KTN1: variants seen among roughly 807,000 people sequenced by gnomAD.
KTN1 encodes kinectin 1, also known as kinectin.
In KTN1, 130 loss-of-function variants were observed where a neutral mutation model predicts 222.5. The ratio of observed to expected loss-of-function variants is 0.58; its 90% confidence interval spans 0.51 to 0.68. The LOEUF (loss-of-function observed/expected upper bound fraction) is 0.68, where lower values mean the gene tolerates loss of function less well. KTN1 is among the 30% of genes least tolerant of loss of function. KTN1 has a pLI of 0.00. For missense variants in KTN1, 1,508 were observed against 1,500.4 expected (o/e 1.01, Z -0.08); for synonymous variants, 512 against 496.3 (o/e 1.03, Z -0.42).
At chr14:55,624,537 A>G (rs575282018) in intron 5 of KTN1, among the ~76,000 whole-genome samples, 1 of 152,328 alleles carries the variant, frequency 6.6e-6, no homozygotes, top group South Asian at 2.1e-4. Flanking sequence ...TCATTTTACA[A>G]TTAACATATT....
At chr14:55,619,390 A>G (rs1209964280) in intron 5 of KTN1, 78 bp downstream of exon 5, 2 of 1,325,252 alleles carry the variant, frequency 1.5e-6, no homozygotes, top group African/African-American at 1.5e-5. Context: ...AGCCAGAGCA[A>G]TTAATATCTA....
chr14:55,676,364 T>G (rs538552291), intron 41 of KTN1, among the ~76,000 whole-genome samples: 21 of 152,262 alleles, frequency 1.4e-4, no homozygotes, highest in African/African-American at 5.1e-4. Flanking sequence ...TCAATGCAAA[T>G]GAATGATTTT....
intron 18 of KTN1, among the ~76,000 whole-genome samples, chr14:55,642,456 A>G (rs12434799): frequency 0.28 from 42,409 of 152,108 alleles, 5,926 homozygotes; most frequent in East Asian, 0.38. Flanking sequence ...TTCTCTGCCT[A>G]TTCCTCAGTG....
intron 1 of KTN1, among the ~76,000 whole-genome samples, chr14:55,580,582 T>G (rs1030366129): frequency 1.6e-4 from 24 of 151,328 alleles, no homozygotes; most frequent in African/African-American, 5.6e-4. Flanking sequence ...AGGGACCTCC[T>G]CGGCCTCGCG....
At chr14:55,631,341 G>GAGATAGATAGATATATAT (rs71448461) in intron 7 of KTN1, among the ~76,000 whole-genome samples, 4 of 114,718 alleles carry the variant, frequency 3.5e-5, no homozygotes, top group Non-Finnish European at 6.9e-5. Context: ...TGATAAGGTT[G>GAGATAGATAGATATATAT]ATATATATAT....
intron 7 of KTN1, among the ~76,000 whole-genome samples, chr14:55,630,667 A>G (rs2040407504): frequency 6.6e-6 from 1 of 152,196 alleles, no homozygotes; most frequent in East Asian, 1.9e-4. Flanking sequence ...TGAGAAGTAG[A>G]TAGAGGCCCC....
chr14:55,669,374 T>G (rs1323877769), intron 34 of KTN1, among the ~76,000 whole-genome samples: 1 of 152,114 alleles, frequency 6.6e-6, no homozygotes, highest in Non-Finnish European at 1.5e-5. Flanking sequence ...GCATATAGTC[T>G]ACAAGAAATG....
rs200929648 is a variant in KTN1, at chr14:55,637,390, T to TAA, written c.1716+32_1716+33dup. 31 of 1,320,430 alleles carry TAA rather than the reference T, an allele frequency of 2.3e-5. No individual in the cohort carries two copies. In the African/African-American group the frequency reaches 3.5e-4, roughly 15 times the overall value. 81.8% of individuals were successfully genotyped at this position (1,320,430 alleles called of 1,614,324 possible). A position where few individuals can be genotyped will look rare whatever the true frequency, so the allele number is the denominator to read the frequency against. On this transcript the variant is annotated intron_variant, in intron 11 of 43. Transcript: ENST00000395314. ...GTATTTTTTCTTCTTTTTTTTTTTT[T>TAA]AAAAAAATACAGGTGGTCACTTATT...
intron 28 of KTN1, among the ~76,000 whole-genome samples, chr14:55,655,368 T>C (rs1334846493): frequency 2.0e-5 from 3 of 151,908 alleles, no homozygotes; most frequent in Non-Finnish European, 4.4e-5. Context: ...TGTTTTGTCA[T>C]TTTTTTCATA....
intron 41 of KTN1, among the ~76,000 whole-genome samples, chr14:55,676,675 ACTGT>A (rs926534241): frequency 3.4e-4 from 51 of 152,212 alleles, no homozygotes; most frequent in Non-Finnish European, 2.5e-4. Flanking sequence ...AATATTAGAT[ACTGT>A]CTAACATTTA....
At position 55,684,217 on chromosome 14, in the gene KTN1, A is replaced by G. The variant is rs945041785; in HGVS notation, c.*114A>G. Reference sequence around the variant, plus strand: ...CTACTTTGTCAGAAACACTGAACAGAGTTTTGTCTTTTCTAATCCTTGTTA... The same window carrying G: ...CTACTTTGTCAGAAACACTGAACAGGGTTTTGTCTTTTCTAATCCTTGTTA... On this transcript the variant is annotated 3_prime_UTR_variant, in exon 44 of 44. Coordinates refer to ENST00000395314, the MANE Select transcript of KTN1 (RefSeq NM_001079521.2). 5.0e-4 allele frequency: 398 copies of G among 788,168 alleles called. No individual in the cohort carries two copies. The highest frequency in any genetic ancestry group is 5.2e-5 in the Non-Finnish European group (26 of 503,360). The allele number at this position is 788,168 out of a possible 1,614,324, so 48.8% of individuals were successfully genotyped here.
At chr14:55,581,144 A>C (rs973933765) in intron 1 of KTN1, among the ~76,000 whole-genome samples, 5 of 152,306 alleles carry the variant, frequency 3.3e-5, no homozygotes, top group African/African-American at 1.2e-4. Context: ...CGGGAAGTCT[A>C]GAGAAGTCGT....
chr14:55,607,997 T>G (rs1391672913), intron 1 of KTN1, among the ~76,000 whole-genome samples: 1 of 152,122 alleles, frequency 6.6e-6, no homozygotes, highest in Non-Finnish European at 1.5e-5. Context: ...AAGAACAACA[T>G]GAGCGTCTAC....
intron 40 of KTN1, 159 bp downstream of exon 40, chr14:55,673,414 A>G (rs985449975): frequency 1.1e-5 from 5 of 455,922 alleles, no homozygotes; most frequent in African/African-American, 1.0e-4. Context: ...TCCTAAGATT[A>G]TCTTTCTTTT....
rs909903601 is a variant in KTN1, at chr14:55,639,121, T to C, written c.1786-64T>C. On this transcript the variant is annotated intron_variant, in intron 12 of 43. Transcript: ENST00000395314. Reference sequence around the variant, plus strand: ...CTCTTAAAATTTAAAGCTGTTATGATTATTGTATAGCTATAAAGCTTTCTC... The same window carrying C: ...CTCTTAAAATTTAAAGCTGTTATGACTATTGTATAGCTATAAAGCTTTCTC... 7 of 1,063,210 alleles carry C rather than the reference T, an allele frequency of 6.6e-6. No homozygotes were observed. The East Asian group carries it at 1.4e-4, about 22-fold the overall frequency. The allele number at this position is 1,063,210 out of a possible 1,614,324, so 65.9% of individuals were successfully genotyped here.
In KTN1 at chr14:55,612,032, A is replaced by G. The variant is rs750751627; in HGVS notation, c.-17A>G. 7.2e-7 allele frequency: 1 copy of G among 1,379,316 alleles called. No individual in the cohort carries two copies. The allele number at this position is 1,379,316 out of a possible 1,614,324, so 85.4% of individuals were successfully genotyped here. A position where few individuals can be genotyped will look rare whatever the true frequency, so the allele number is the denominator to read the frequency against. On this transcript the variant is annotated 5_prime_UTR_variant, in exon 2 of 44. Transcript: ENST00000395314. The stretch of plus-strand genomic sequence containing the variant: ...TTCCCTATTTAGGTTTTATAGGATC[A>G]CATTGACAAAAGTACCATGGAGTTT...
intron 5 of KTN1, among the ~76,000 whole-genome samples, chr14:55,621,752 A>C (rs554797050): frequency 1.3e-5 from 2 of 152,092 alleles, no homozygotes; most frequent in African/African-American, 4.8e-5. Flanking sequence ...TCATATATTC[A>C]CACTAATCAA....
In KTN1 at chr14:55,617,969, G is replaced by T; in HGVS notation, c.667G>T (p.Val223Leu). Residue 223 changes from valine (V) to leucine (L), a missense_variant, in exon 4 of 44, where the codon GTA becomes TTA. Val to Leu is a conservative substitution (Grantham distance 32, BLOSUM62 1). Transcript: ENST00000395314. ...SKKQKTENVFVDEPLIHATTY... is the reference protein window; with the variant it reads ...SKKQKTENVFLDEPLIHATTY... ...TTGTTGAACTTAAATTGCAGTCTTC[G>T]TAGATGAACCCCTTATTCATGCAAC... 6.4e-7 allele frequency: 1 copy of T among 1,573,100 alleles called. No individual in the cohort carries two copies. Among genetic ancestry groups the T allele is most frequent in the Non-Finnish European group, 8.6e-7 (1 of 1,162,794 alleles).
chr14:55,628,091 A>G (rs1018908914), intron 6 of KTN1, 63 bp downstream of exon 6: 42 of 1,015,602 alleles, frequency 4.1e-5, no homozygotes, highest in Non-Finnish European at 6.1e-5. Context: ...AAGATTTTAG[A>G]AATTGTCCAT....
Sources: allele counts gnomAD v4.1 joint callset (sites outside exome capture counted in the v4.1 genomes callset), GRCh38; gene constraint gnomAD v4.1.1; transcripts MANE v1.5; gene names NCBI Gene and HGNC (gene_info 2026-07-23, HGNC 2026-07-21).